The following PPP2R2C variants were observed in gnomAD, a reference collection of about 807,000 sequenced individuals.
PPP2R2C encodes protein phosphatase 2 regulatory subunit Bgamma.
A neutral mutation model predicts 45.3 loss-of-function variants in PPP2R2C; 10 were observed. The observed-to-expected ratio is 0.22, with a 90% CI of 0.14 to 0.37. PPP2R2C has a LOEUF of 0.37. Ranked by LOEUF, PPP2R2C falls within the 10% of genes least tolerant of loss-of-function variation. PPP2R2C has a pLI of 1.00. For missense variants in PPP2R2C, 308 were observed against 619.7 expected (o/e 0.50, Z 5.34); for synonymous variants, 257 against 245.4 (o/e 1.05, Z -0.44).
intron 1 of PPP2R2C, among the ~76,000 whole-genome samples, chr4:6,413,196 C>T (rs140457110): frequency 2.0e-4 from 30 of 152,214 alleles, no homozygotes; most frequent in Non-Finnish European, 2.5e-4. Context: ...TTCACACACA[C>T]GCCAATGTGC....
Position 6,560,452 on chromosome 4 carries a change from C to T in PPP2R2C, c.-59+3108G>A, listed in dbSNP as rs189562184. ...CTTGGGGGAGGACTGAAAGGCTCTC[C>T]GCCACTAACAGCTGTGGGACCTCAG... On this transcript the variant is annotated intron_variant, in intron 1 of 9. Coordinates refer to the PPP2R2C transcript ENST00000506140. Among the ~76,000 whole-genome samples the T allele has an allele frequency of 1.1e-4, 16 of 152,306 alleles. 1 individual carries two copies. The highest frequency in any genetic ancestry group is 7.7e-4 in the East Asian group (4 of 5,192).
intron 2 of PPP2R2C, among the ~76,000 whole-genome samples, chr4:6,514,059 G>A (rs1328320599): frequency 6.6e-6 from 1 of 152,114 alleles, no homozygotes; most frequent in East Asian, 1.9e-4. Context: ...GCAGAACCAT[G>A]TTCATGTGCA....
intron 2 of PPP2R2C, among the ~76,000 whole-genome samples, chr4:6,533,796 T>C (rs1006390991): frequency 2.0e-5 from 3 of 152,074 alleles, no homozygotes; most frequent in African/African-American, 7.3e-5. Context: ...TAAATGAGGA[T>C]CTACCTACAG....
At chr4:6,403,620 T>C (rs768607413) in intron 1 of PPP2R2C, among the ~76,000 whole-genome samples, 64 of 151,964 alleles carry the variant, frequency 4.2e-4, no homozygotes, top group Non-Finnish European at 7.1e-4. Flanking sequence ...AAATACAACC[T>C]GGGAGGACGA....
At chr4:6,508,509 A>G (rs1030526932) in intron 2 of PPP2R2C, among the ~76,000 whole-genome samples, 5 of 152,078 alleles carry the variant, frequency 3.3e-5, no homozygotes, top group Non-Finnish European at 7.4e-5. Flanking sequence ...GAATTGCTTG[A>G]ACCCGGGAGA....
chr4:6,384,803 A>AG (rs1479804813), intron 1 of PPP2R2C: 1 of 985,328 alleles, frequency 1.0e-6, no homozygotes, highest in African/African-American at 1.7e-5. Flanking sequence ...TCCATTTGGC[A>AG]GCAGAGGAGA....
At chr4:6,382,182 A>C in intron 1 of PPP2R2C, 1 of 1,193,498 alleles carries the variant, frequency 8.4e-7, no homozygotes, top group Non-Finnish European at 1.1e-6. Flanking sequence ...TGGAAGATGG[A>C]AAGTTCTAGA....
chr4:6,408,288 G>A (rs2109362187), intron 1 of PPP2R2C, among the ~76,000 whole-genome samples: 1 of 152,294 alleles, frequency 6.6e-6, no homozygotes, highest in East Asian at 1.9e-4. Context: ...AATGTTAGAT[G>A]AGCTGATACT....
intron 1 of PPP2R2C, among the ~76,000 whole-genome samples, chr4:6,556,063 C>T (rs370689578): frequency 7.9e-5 from 12 of 152,150 alleles, no homozygotes; most frequent in East Asian, 7.7e-4. Flanking sequence ...ATCCTGTGAC[C>T]GAGAGCCTCC....
chr4:6,552,374 G>A (rs1029725476), intron 1 of PPP2R2C, among the ~76,000 whole-genome samples: 11 of 152,152 alleles, frequency 7.2e-5, no homozygotes, highest in Admixed American at 3.3e-4. Context: ...GGCCCCAGGG[G>A]AGGATCCGTT....
chr4:6,369,821 G>C (rs1232386779), intron 5 of PPP2R2C, among the ~76,000 whole-genome samples: 1 of 152,206 alleles, frequency 6.6e-6, no homozygotes, highest in Non-Finnish European at 1.5e-5. Flanking sequence ...CCATGGCGGG[G>C]CTGTGTCCCC....
At chr4:6,530,532 G>A (rs1056285787) in intron 2 of PPP2R2C, among the ~76,000 whole-genome samples, 3 of 144,542 alleles carry the variant, frequency 2.1e-5, no homozygotes, top group East Asian at 2.5e-4. Flanking sequence ...GGCTGTGGTC[G>A]CTGGACTGTC....
intron 1 of PPP2R2C, among the ~76,000 whole-genome samples, chr4:6,468,804 C>A (rs150912565): frequency 7.5e-4 from 114 of 152,018 alleles, no homozygotes; most frequent in Middle Eastern, 3.4e-3. Context: ...TGAGGCCTGC[C>A]GCAAAAAGAG....
chr4:6,405,448 C>G (rs1201996470), intron 1 of PPP2R2C, among the ~76,000 whole-genome samples: 1 of 152,236 alleles, frequency 6.6e-6, no homozygotes, highest in Non-Finnish European at 1.5e-5. Context: ...AAGGGATGAA[C>G]AGACCACAGG....
intron 1 of PPP2R2C, among the ~76,000 whole-genome samples, chr4:6,458,400 A>G (rs1223680666): frequency 6.6e-6 from 1 of 152,192 alleles, no homozygotes; most frequent in African/African-American, 2.4e-5. Context: ...CTGACTCTCA[A>G]ACAGTGCCTT....
intron 1 of PPP2R2C, among the ~76,000 whole-genome samples, chr4:6,392,852 A>G (rs1377194146): frequency 6.6e-6 from 1 of 152,150 alleles, no homozygotes; most frequent in East Asian, 1.9e-4. Flanking sequence ...TGCCTCACAC[A>G]TGGGTGACTC....
At chr4:6,336,401 C>T (rs1732850829) in intron 6 of PPP2R2C, among the ~76,000 whole-genome samples, 1 of 152,056 alleles carries the variant, frequency 6.6e-6, no homozygotes. Flanking sequence ...AACAGGCTGC[C>T]AGGGTCTCAA....
At chr4:6,369,357 GT>G in intron 5 of PPP2R2C, among the ~76,000 whole-genome samples, 1 of 152,256 alleles carries the variant, frequency 6.6e-6, no homozygotes, top group East Asian at 1.9e-4. Context: ...ACCATTTTGT[GT>G]GCACAGCCGT....
chr4:6,545,298 A>G (rs2108835323), intron 1 of PPP2R2C, among the ~76,000 whole-genome samples: 1 of 152,366 alleles, frequency 6.6e-6, no homozygotes, highest in Non-Finnish European at 1.5e-5. Flanking sequence ...ATAATTTATC[A>G]TAGTAGCAGT....
Sources: gnomAD v4.1 joint callset for allele counts (sites outside exome capture counted in the v4.1 genomes callset) on GRCh38, gnomAD v4.1.1 for gene constraint, MANE v1.5 for transcripts, NCBI Gene and HGNC (gene_info 2026-07-23, HGNC 2026-07-21) for gene names.